The following COG7 variants were observed in gnomAD, a reference collection of about 807,000 sequenced individuals.
The protein encoded by COG7 is component of oligomeric golgi complex 7.
A neutral mutation model predicts 91.5 loss-of-function variants in COG7; 49 were observed. The ratio of observed to expected loss-of-function variants is 0.54; its 90% confidence interval spans 0.43 to 0.68. The LOEUF is 0.68. Among genes scored for constraint, COG7 ranks in the 30% least tolerant of loss-of-function variants. COG7 has a pLI of 0.00. For synonymous variants in COG7, 365 were observed against 388.7 expected, an observed-to-expected ratio of 0.94 and a Z score of 0.72; for missense variants, 895 against 961.3, an observed-to-expected ratio of 0.93 and a Z score of 0.91.
At chr16:23,423,103 C>T (rs1194661863) in intron 7 of COG7, among the ~76,000 whole-genome samples, 1 of 151,438 alleles carries the variant, frequency 6.6e-6, no homozygotes, top group Non-Finnish European at 1.5e-5. Flanking sequence ...TGGCTCACAC[C>T]TGCTGTAATC....
intron 14 of COG7, 86 bp from the exon 15 acceptor site, chr16:23,393,433 A>T: frequency 9.8e-7 from 1 of 1,024,774 alleles, no homozygotes; most frequent in Non-Finnish European, 1.5e-6. Context: ...GGCAAACGGC[A>T]GAGAGACAAA....
At chr16:23,446,842 C>T (rs1021150882) in intron 1 of COG7, 40 of 152,294 alleles carry the variant, frequency 2.6e-4, no homozygotes, top group African/African-American at 9.7e-4. Flanking sequence ...ACCTCAACCT[C>T]CTGGTCTCAG....
intron 15 of COG7, 103 bp from the exon 16 acceptor site, chr16:23,392,626 A>G: frequency 7.0e-7 from 1 of 1,421,544 alleles, no homozygotes; most frequent in South Asian, 1.2e-5. Flanking sequence ...AACACAGGAA[A>G]CCGAAAACAG....
chr16:23,447,749 A>C (rs1230285185), intron 1 of COG7, among the ~76,000 whole-genome samples: 1 of 151,440 alleles, frequency 6.6e-6, no homozygotes, highest in East Asian at 2.0e-4. Context: ...AAAATACAAA[A>C]ATTAGCTGGG....
At position 23,391,986 on chromosome 16, in the gene COG7, T is replaced by G. The variant is rs1963204786; in HGVS notation, c.2146+394A>C. The stretch of plus-strand genomic sequence containing the variant: ...CCTCACAGGGGAGTTTGGAATTACA[T>G]AAGACGATGGGTGCGAGTGCTTGGT... On this transcript the variant is annotated intron_variant, in intron 16 of 16. Transcript: ENST00000307149. 3.4e-6 allele frequency: 4 copies of G among 1,168,208 alleles called. No homozygotes were observed. In the Admixed American group the frequency reaches 1.1e-4, roughly 33 times the overall value. The allele number at this position is 1,168,208 out of a possible 1,614,324, so 72.4% of individuals were successfully genotyped here.
In COG7 at chr16:23,406,238, A is replaced by G; in HGVS notation, c.1500T>C (p.Tyr500=). 1.2e-6 allele frequency: 2 copies of G among 1,614,114 alleles called. No homozygotes were observed. The highest frequency in any genetic ancestry group is 1.7e-6 in the Non-Finnish European group (2 of 1,180,000). The change falls in exon 12 of 17, where the codon TAT becomes TAC. Residue 500 remains tyrosine, a synonymous_variant. Transcript: ENST00000307149. ...ANRILSTAGK[Y]LSDSCSPRSL... is the part of the protein sequence containing the mutation. ...TCCGGGGGCTGCAGGAATCAGATAG[A>G]TACTTCCCAGCTGTGGACAAAATCC...
intron 12 of COG7, among the ~76,000 whole-genome samples, chr16:23,405,036 G>T (rs1303225404): frequency 6.6e-6 from 1 of 152,202 alleles, no homozygotes; most frequent in African/African-American, 2.4e-5. Flanking sequence ...TTCTGCAAAG[G>T]ATGCCCACGG....
chr16:23,404,489 T>C (rs1963427634), intron 12 of COG7, among the ~76,000 whole-genome samples: 1 of 152,240 alleles, frequency 6.6e-6, no homozygotes, highest in African/African-American at 2.4e-5. Flanking sequence ...TACGAAGTGT[T>C]TGTCAAGCTC....
chr16:23,415,988 C>G (rs1291327103), intron 9 of COG7: 1 of 152,038 alleles, frequency 6.6e-6, no homozygotes, highest in Non-Finnish European at 1.5e-5. Flanking sequence ...TACTTTTGTA[C>G]AGTTTGAATG....
chr16:23,423,736 G>A (rs1025230643), intron 7 of COG7, among the ~76,000 whole-genome samples: 4 of 152,204 alleles, frequency 2.6e-5, no homozygotes, highest in African/African-American at 9.6e-5. Flanking sequence ...ACACACAGCC[G>A]CCGAACAGCA....
chr16:23,416,414 T>G (rs1963655064), intron 9 of COG7: 1 of 166,838 alleles, frequency 6.0e-6, no homozygotes, highest in Non-Finnish European at 1.3e-5. Context: ...TACGTGGAAC[T>G]GCCCTGGGAG....
chr16:23,431,930 C>T (rs1596945319), intron 6 of COG7, among the ~76,000 whole-genome samples: 1 of 151,924 alleles, frequency 6.6e-6, no homozygotes, highest in Admixed American at 6.6e-5. Flanking sequence ...TTACTTGAGG[C>T]CAGGAGTTAG....
chr16:23,406,838 G>A (rs1963471383), intron 11 of COG7, among the ~76,000 whole-genome samples: 1 of 152,176 alleles, frequency 6.6e-6, no homozygotes, highest in Non-Finnish European at 1.5e-5. Context: ...ATCTATTGAG[G>A]CTGGCACTTT....
chr16:23,423,949 C>T (rs1475199967), intron 7 of COG7, among the ~76,000 whole-genome samples: 1 of 152,220 alleles, frequency 6.6e-6, no homozygotes, highest in East Asian at 1.9e-4. Flanking sequence ...TTCTCTACAA[C>T]CACCTGTAGT....
chr16:23,413,883 G>A, intron 9 of COG7: 1 of 313,378 alleles, frequency 3.2e-6, no homozygotes, highest in Non-Finnish European at 6.2e-6. Flanking sequence ...ATCCAGATAA[G>A]TACATTTCTG....
intron 10 of COG7, 161 bp downstream of exon 10, chr16:23,413,287 A>G (rs1963595702): frequency 1.5e-6 from 1 of 645,764 alleles, no homozygotes; most frequent in South Asian, 1.7e-5. Flanking sequence ...GTTGGGTTTT[A>G]TTGGTTTGTG....
intron 14 of COG7, among the ~76,000 whole-genome samples, chr16:23,395,474 T>C (rs867437004): frequency 8.5e-5 from 13 of 152,370 alleles, no homozygotes; most frequent in South Asian, 8.3e-4. Context: ...TGCATATATA[T>C]TGTTTTTAAA....
Position 23,417,002 on chromosome 16 carries a change from G to A in COG7, c.1257C>T (p.Cys419=), listed in dbSNP as rs766573880. The change falls in exon 9 of 17, where the codon TGC becomes TGT. Residue 419 remains cysteine (C), a synonymous_variant. Coordinates refer to ENST00000307149, the MANE Select transcript of COG7 (RefSeq NM_153603.4). ...CVRFTNGLGT[C]GLLSALKSLF... ...GGGATTTCAGGGCTGACAACAGGCC[G>A]CAGGTCCCCAGGCCATTGGTGAATC... is the stretch of plus-strand genomic sequence containing the variant. 3.2e-5 allele frequency: 51 copies of A among 1,614,080 alleles called. No individual in the cohort carries two copies. Among genetic ancestry groups the A allele is most frequent in the African/African-American group, 4.0e-5 (3 of 74,922 alleles).
intron 6 of COG7, among the ~76,000 whole-genome samples, chr16:23,430,021 A>G (rs540523120): frequency 1.3e-5 from 2 of 152,312 alleles, no homozygotes; most frequent in African/African-American, 4.8e-5. Flanking sequence ...GGGAAGGAGC[A>G]TGAGGGAACT....
Sources: gnomAD v4.1 joint callset for allele counts (sites outside exome capture counted in the v4.1 genomes callset) on GRCh38, gnomAD v4.1.1 for gene constraint, MANE v1.5 for transcripts, NCBI Gene and HGNC (gene_info 2026-07-23, HGNC 2026-07-21) for gene names.